The following SNX29 variants were observed in gnomAD, a reference collection of about 807,000 sequenced individuals.
SNX29 encodes the protein sorting nexin-29.
In SNX29, 78 loss-of-function variants were observed where a neutral mutation model predicts 102.1. That is an observed-to-expected ratio of 0.76 (90% CI 0.64 to 0.92). The LOEUF (loss-of-function observed/expected upper bound fraction) is 0.92. Among genes scored for constraint, SNX29 ranks in the 40% least tolerant of loss-of-function variants. The pLI is 0.00. For missense variants in SNX29, 1,280 were observed against 1,061.7 expected (o/e 1.21, Z -2.86); for synonymous variants, 580 against 414.5 (o/e 1.40, Z -4.85).
chr16:12,149,918 A>G (rs2055226303), intron 13 of SNX29, among the ~76,000 whole-genome samples: 1 of 152,150 alleles, frequency 6.6e-6, no homozygotes, highest in Admixed American at 6.5e-5. Context: ...AGTTTGTGCC[A>G]AGGGGGAGAG....
At chr16:12,464,955 AGTGGTATCTCATT>A (rs950272270) in intron 18 of SNX29, among the ~76,000 whole-genome samples, 1 of 152,202 alleles carries the variant, frequency 6.6e-6, no homozygotes, top group African/African-American at 2.4e-5. Context: ...ACAGGTGTGC[AGTGGTATCTCATT>A]GTGGTTCCGA....
intron 20 of SNX29, among the ~76,000 whole-genome samples, chr16:12,548,844 G>C (rs1468635642): frequency 6.6e-6 from 1 of 152,198 alleles, no homozygotes; most frequent in Non-Finnish European, 1.5e-5. Flanking sequence ...CTAGCTCTCA[G>C]TTCCTCTGCT....
In SNX29 at chr16:12,086,194, C is replaced by T. The variant is rs112040631; in HGVS notation, c.1402+7279C>T. ...AATTTTTTGTAATTTTTAGTAGAGA[C>T]GGGATTTCACTGTGTTAGCCAGGAT... On this transcript the variant is annotated intron_variant, in intron 11 of 20. Transcript: ENST00000566228. Among the ~76,000 whole-genome samples, 900 of 151,850 alleles carry T rather than the reference C, an allele frequency of 5.9e-3. 13 individuals carry two copies. Among genetic ancestry groups the T allele is most frequent in the African/African-American group, 0.021 (856 of 41,430 alleles).
At chr16:12,158,578 T>C (rs927382439) in intron 13 of SNX29, among the ~76,000 whole-genome samples, 23 of 152,246 alleles carry the variant, frequency 1.5e-4, no homozygotes, top group South Asian at 2.1e-4. Flanking sequence ...ATTTGCCTAA[T>C]GATTCATAAG....
intron 18 of SNX29, among the ~76,000 whole-genome samples, chr16:12,409,341 A>G (rs766572639): frequency 6.6e-6 from 1 of 151,946 alleles, no homozygotes; most frequent in Non-Finnish European, 1.5e-5. Context: ...GTTGTTAATT[A>G]ATTTCTAGTT....
intron 20 of SNX29, among the ~76,000 whole-genome samples, chr16:12,565,002 C>G (rs1305642311): frequency 1.3e-5 from 2 of 151,862 alleles, no homozygotes; most frequent in African/African-American, 2.4e-5. Flanking sequence ...CAGCCCATGT[C>G]TCTACTGTTG....
chr16:12,202,726 G>A (rs2076943622), intron 14 of SNX29, among the ~76,000 whole-genome samples: 1 of 152,248 alleles, frequency 6.6e-6, no homozygotes, highest in African/African-American at 2.4e-5. Flanking sequence ...ACGAGAGCAG[G>A]AGATCCCTCT....
At chr16:12,368,047 A>G (rs1395227302) in intron 16 of SNX29, among the ~76,000 whole-genome samples, 1 of 152,226 alleles carries the variant, frequency 6.6e-6, no homozygotes, top group Non-Finnish European at 1.5e-5. Flanking sequence ...CTTGCTGTTC[A>G]TGCAGGTGCT....
intron 15 of SNX29, among the ~76,000 whole-genome samples, chr16:12,282,751 G>A (rs1018927854): frequency 6.6e-6 from 1 of 152,196 alleles, no homozygotes; most frequent in Non-Finnish European, 1.5e-5. Context: ...CCCCTCCCAG[G>A]TTCAAGCGAT....
Position 12,224,265 on chromosome 16 carries a change from T to C in SNX29, c.1678+24582T>C, listed in dbSNP as rs141371529. On this transcript the variant is annotated intron_variant, in intron 14 of 20. Transcript: ENST00000566228. The stretch of plus-strand genomic sequence containing the variant: ...TGCATTCCTCCCTCTCCTCTTCCCT[T>C]TTTCCTTTCCTCTCCTTCCTCCCTC... 1.8e-3 allele frequency among the ~76,000 whole-genome samples: 269 copies of C among 152,274 alleles called. 2 individuals carry two copies. The South Asian group carries it at 0.028, about 16-fold the overall frequency.
chr16:11,994,798 T>C (rs2055995665), intron 1 of SNX29, among the ~76,000 whole-genome samples: 2 of 152,212 alleles, frequency 1.3e-5, no homozygotes, highest in Admixed American at 6.5e-5. Flanking sequence ...AGGGAGAAGG[T>C]AAGAAGGAGA....
intron 20 of SNX29, among the ~76,000 whole-genome samples, chr16:12,558,890 T>A (rs79372061): frequency 6.6e-6 from 1 of 152,236 alleles, no homozygotes; most frequent in African/African-American, 2.4e-5. Context: ...TGCCTGAGTT[T>A]GCTTCAGGGC....
chr16:12,028,568 T>C (rs1017071840), intron 4 of SNX29, among the ~76,000 whole-genome samples: 2 of 151,996 alleles, frequency 1.3e-5, no homozygotes, highest in Non-Finnish European at 2.9e-5. Flanking sequence ...CTTGTTCTGT[T>C]GGCCAGGCTG....
At chr16:12,482,264 CTTTTCCTTTTTCT>C (rs553883610) in intron 19 of SNX29, among the ~76,000 whole-genome samples, 3,254 of 152,180 alleles carry the variant, frequency 0.021, 53 homozygotes, top group Non-Finnish European at 0.033. Flanking sequence ...TTTCTTTCTC[CTTTTCCTTTTTCT>C]TTTTCCTTTT....
intron 18 of SNX29, among the ~76,000 whole-genome samples, chr16:12,471,007 TG>T (rs748555016): frequency 1.3e-5 from 2 of 152,284 alleles, no homozygotes; most frequent in East Asian, 3.9e-4. Flanking sequence ...AAAGGATAAC[TG>T]TGGGGACGTG....
intron 20 of SNX29, chr16:12,526,651 C>T (rs1442541773): frequency 1.9e-6 from 1 of 526,048 alleles, no homozygotes; most frequent in Non-Finnish European, 3.7e-6. Context: ...GGGGAATTAG[C>T]CTCTCGCGGA....
intron 16 of SNX29, among the ~76,000 whole-genome samples, chr16:12,388,117 C>T (rs150332028): frequency 4.9e-4 from 74 of 152,292 alleles, no homozygotes; most frequent in African/African-American, 1.7e-3. Flanking sequence ...TTGCACGTGC[C>T]GAGCTTTAGG....
rs932664479 is a variant in SNX29, at chr16:12,057,826, AT to A, written c.1125-3693del. Among the ~76,000 whole-genome samples, 152 of 146,610 alleles carry A rather than the reference AT, an allele frequency of 1.0e-3. 1 individual carries two copies. Among genetic ancestry groups the A allele is most frequent in the African/African-American group, 3.5e-3 (140 of 39,906 alleles). ...ATATATATATATATTTTATATATATATTTTTTTTTGAGCTGGGTTCTCGCTC... is the reference window on the plus strand; with the variant it reads ...ATATATATATATATTTTATATATATATTTTTTTTGAGCTGGGTTCTCGCTC... On this transcript the variant is annotated intron_variant, in intron 8 of 20. Transcript: ENST00000566228.
intron 18 of SNX29, among the ~76,000 whole-genome samples, chr16:12,457,229 A>G (rs150118337): frequency 1.3e-3 from 204 of 152,280 alleles, no homozygotes; most frequent in African/African-American, 4.8e-3. Flanking sequence ...TTATGTCACA[A>G]CCCTCTTAGG....
Sources: gnomAD v4.1 joint callset for allele counts (sites outside exome capture counted in the v4.1 genomes callset) on GRCh38, gnomAD v4.1.1 for gene constraint, MANE v1.5 for transcripts, NCBI Gene and HGNC (gene_info 2026-07-23, HGNC 2026-07-21) for gene names.